Variants in SLC24A3 observed in about 807,000 individuals in gnomAD.
SLC24A3 encodes sodium/potassium/calcium exchanger 3.
SLC24A3 carries 28 observed loss-of-function variants against 75.8 expected under a neutral mutation model. The ratio of observed to expected loss-of-function variants is 0.37; its 90% confidence interval spans 0.27 to 0.51. The LOEUF (loss-of-function observed/expected upper bound fraction) is 0.51, where lower values mean the gene tolerates loss of function less well. SLC24A3 is among the 20% of genes least tolerant of loss of function. The pLI is 0.94. For missense variants in SLC24A3, 663 were observed against 847.8 expected (o/e 0.78, Z 2.71); for synonymous variants, 372 against 334.1 (o/e 1.11, Z -1.24).
At chr20:19,653,452 A>G (rs1218446370) in intron 6 of SLC24A3, among the ~76,000 whole-genome samples, 1 of 152,204 alleles carries the variant, frequency 6.6e-6, no homozygotes, top group East Asian at 1.9e-4. Flanking sequence ...CATATAATAG[A>G]GATGAGGGAA....
intron 1 of SLC24A3, among the ~76,000 whole-genome samples, chr20:19,240,692 G>A (rs1384121395): frequency 6.6e-6 from 1 of 152,186 alleles, no homozygotes; most frequent in African/African-American, 2.4e-5. Flanking sequence ...GATGAAGGTT[G>A]GGTTGGGATG....
intron 9 of SLC24A3, among the ~76,000 whole-genome samples, chr20:19,679,017 G>T (rs1443982978): frequency 6.6e-6 from 1 of 151,322 alleles, no homozygotes; most frequent in African/African-American, 2.4e-5. Context: ...TCACTTTCCA[G>T]ACTGGGCAGC....
chr20:19,520,132 CA>C (rs1482618666), intron 3 of SLC24A3, among the ~76,000 whole-genome samples: 1 of 152,170 alleles, frequency 6.6e-6, no homozygotes, highest in Non-Finnish European at 1.5e-5. Context: ...TATCCCATAC[CA>C]AGGCAAGCTC....
chr20:19,603,637 G>A lies in SLC24A3; in HGVS notation c.612+18093G>A, dbSNP rs941317684. Among the ~76,000 whole-genome samples, 3 of 152,248 alleles carry A rather than the reference G, an allele frequency of 2.0e-5. No individual in the cohort carries two copies. The East Asian group carries it at 5.8e-4, about 29-fold the overall frequency. ...GTCTTTTCTCCATCAGAAGAAAGAA[G>A]AGGTTTCCCATAACTATCAGACTTC... On this transcript the variant is annotated intron_variant, in intron 6 of 16. Transcript: ENST00000328041.
intron 2 of SLC24A3, among the ~76,000 whole-genome samples, chr20:19,422,427 T>C (rs561378205): frequency 3.8e-4 from 58 of 152,268 alleles, no homozygotes; most frequent in African/African-American, 1.3e-3. Context: ...TGCACCTCCA[T>C]GGTTCTGGCC....
At chr20:19,523,998 TAGAC>T (rs2030150847) in intron 3 of SLC24A3, among the ~76,000 whole-genome samples, 1 of 152,142 alleles carries the variant, frequency 6.6e-6, no homozygotes, top group African/African-American at 2.4e-5. Flanking sequence ...AAGAAGGCCT[TAGAC>T]AGACAGGGGA....
chr20:19,483,405 G>C (rs1278305174), intron 2 of SLC24A3, among the ~76,000 whole-genome samples: 6 of 152,340 alleles, frequency 3.9e-5, no homozygotes, highest in East Asian at 1.9e-4. Context: ...GCCAGCCTAG[G>C]ACACTTGACA....
chr20:19,269,850 G>C (rs983954732), intron 1 of SLC24A3, among the ~76,000 whole-genome samples: 1 of 152,146 alleles, frequency 6.6e-6, no homozygotes, highest in Non-Finnish European at 1.5e-5. Context: ...GACCCAGCAG[G>C]CTCATTCTTT....
intron 12 of SLC24A3, among the ~76,000 whole-genome samples, chr20:19,689,177 CA>C (rs2032716413): frequency 6.6e-6 from 1 of 152,102 alleles, no homozygotes; most frequent in African/African-American, 2.4e-5. Context: ...TTTTCCAAAG[CA>C]AAATTATGTT....
chr20:19,300,412 C>T (rs1274183355), intron 2 of SLC24A3, among the ~76,000 whole-genome samples: 2 of 152,168 alleles, frequency 1.3e-5, no homozygotes, highest in African/African-American at 2.4e-5. Context: ...GAAGACACTT[C>T]CTAGGTGACC....
intron 2 of SLC24A3, among the ~76,000 whole-genome samples, chr20:19,472,285 TGGGTGGTCAACTCTAG>T (rs946373290): frequency 1.3e-5 from 2 of 152,222 alleles, no homozygotes; most frequent in African/African-American, 4.8e-5. Flanking sequence ...AAAAAATGCA[TGGGTGGTCAACTCTAG>T]GGGTCCAGTG....
At chr20:19,657,377 ACATCTTCCCTCACC>A (rs1173906498) in intron 7 of SLC24A3, among the ~76,000 whole-genome samples, 1 of 152,166 alleles carries the variant, frequency 6.6e-6, no homozygotes, top group Non-Finnish European at 1.5e-5. Flanking sequence ...ATTTTAACCA[ACATCTTCCCTCACC>A]CACAGGTGAT....
At chr20:19,259,984 A>G (rs905887480) in intron 1 of SLC24A3, among the ~76,000 whole-genome samples, 4 of 152,228 alleles carry the variant, frequency 2.6e-5, no homozygotes, top group African/African-American at 9.6e-5. Context: ...CCAAAGAAAA[A>G]GAATCCGTAT....
At chr20:19,557,986 T>C (rs574293722) in intron 3 of SLC24A3, among the ~76,000 whole-genome samples, 7 of 152,134 alleles carry the variant, frequency 4.6e-5, no homozygotes, top group African/African-American at 1.7e-4. Context: ...CATGCATGGG[T>C]AGGTGGATGG....
chr20:19,476,216 A>G (rs1987959978), intron 2 of SLC24A3, among the ~76,000 whole-genome samples: 2 of 152,206 alleles, frequency 1.3e-5, no homozygotes, highest in Non-Finnish European at 2.9e-5. Context: ...CTGGTGAGCA[A>G]TTGATATTAA....
At chr20:19,373,747 T>A (rs1160673319) in intron 2 of SLC24A3, among the ~76,000 whole-genome samples, 1 of 152,150 alleles carries the variant, frequency 6.6e-6, no homozygotes, top group African/African-American at 2.4e-5. Flanking sequence ...GAGGAGGAGC[T>A]TCAGCTGCTG....
intron 2 of SLC24A3, among the ~76,000 whole-genome samples, chr20:19,367,011 T>C (rs1441234399): frequency 6.6e-6 from 1 of 152,230 alleles, no homozygotes; most frequent in Admixed American, 6.5e-5. Context: ...AAGAACCTAT[T>C]GTGATGGCGG....
At chr20:19,415,316 T>C (rs1043796807) in intron 2 of SLC24A3, among the ~76,000 whole-genome samples, 1 of 152,244 alleles carries the variant, frequency 6.6e-6, no homozygotes, top group Non-Finnish European at 1.5e-5. Flanking sequence ...CTGCATGTTA[T>C]TCCAGAACTG....
intron 3 of SLC24A3, among the ~76,000 whole-genome samples, chr20:19,530,746 C>T (rs556474067): frequency 6.6e-6 from 1 of 152,270 alleles, no homozygotes; most frequent in South Asian, 2.1e-4. Context: ...CCTGAAGTTC[C>T]AGGGAGCACA....
Sources: gnomAD v4.1 joint callset for allele counts (sites outside exome capture counted in the v4.1 genomes callset) on GRCh38, gnomAD v4.1.1 for gene constraint, MANE v1.5 for transcripts, NCBI Gene and HGNC (gene_info 2026-07-23, HGNC 2026-07-21) for gene names.